CADPS2: variants seen among roughly 807,000 people sequenced by gnomAD.
CADPS2 encodes the protein calcium-dependent secretion activator 2.
CADPS2 carries 93 observed loss-of-function variants against 172.5 expected under a neutral mutation model. The observed-to-expected ratio is 0.54, with a 90% CI of 0.46 to 0.64. The LOEUF is 0.64. CADPS2 is among the 30% of genes least tolerant of loss of function. The probability of loss-of-function intolerance (pLI) is 0.00; values close to 1 mark genes in which losing one functional copy is unlikely to be tolerated. For synonymous variants in CADPS2, 546 were observed against 555.2 expected, an observed-to-expected ratio of 0.98 and a Z score of 0.23; for missense variants, 1,420 against 1,565.9, an observed-to-expected ratio of 0.91 and a Z score of 1.57.
intron 8 of CADPS2, among the ~76,000 whole-genome samples, chr7:122,525,253 G>A (rs777853952): frequency 2.6e-5 from 4 of 152,106 alleles, no homozygotes; most frequent in Non-Finnish European, 5.9e-5. Flanking sequence ...TCTGGTCTTG[G>A]CTAATGAGGA....
chr7:122,362,383 T>A (rs1413478594), intron 25 of CADPS2, among the ~76,000 whole-genome samples: 1 of 152,172 alleles, frequency 6.6e-6, no homozygotes, highest in Non-Finnish European at 1.5e-5. Flanking sequence ...TTGACCACCT[T>A]ACTTCTCAGG....
rs536561131 is a variant in CADPS2, at chr7:122,327,001, C to A, written c.3613-1420G>T. 6.6e-5 allele frequency among the ~76,000 whole-genome samples: 10 copies of A among 152,000 alleles called. No homozygotes were observed. In the East Asian group the frequency reaches 1.7e-3, roughly 26 times the overall value. ...TCAAGTTTTAAAAATGTGAGATGGA[C>A]CATGATTTTTTAAAAATATGTTATT... is the stretch of plus-strand genomic sequence containing the variant. On this transcript the variant is annotated intron_variant, in intron 28 of 29. Transcript: ENST00000449022.
intron 13 of CADPS2, 68 bp from the exon 14 acceptor site, chr7:122,471,630 G>A (rs1460410534): frequency 7.8e-6 from 10 of 1,278,124 alleles, no homozygotes; most frequent in Non-Finnish European, 1.1e-5. Flanking sequence ...TTTCCTGAAC[G>A]CACTTTTAGG....
intron 3 of CADPS2, among the ~76,000 whole-genome samples, chr7:122,644,026 C>A (rs1193253411): frequency 6.6e-6 from 1 of 151,700 alleles, no homozygotes; most frequent in Non-Finnish European, 1.5e-5. Context: ...GCCAAGATGG[C>A]GCCACTGCAC....
At chr7:122,619,887 G>C (rs1045709307) in intron 5 of CADPS2, among the ~76,000 whole-genome samples, 2 of 152,100 alleles carry the variant, frequency 1.3e-5, no homozygotes, top group Non-Finnish European at 2.9e-5. Flanking sequence ...AAAGTCATTA[G>C]GTAAGCCCAG....
At chr7:122,546,825 T>C (rs559767453) in intron 8 of CADPS2, among the ~76,000 whole-genome samples, 1 of 152,120 alleles carries the variant, frequency 6.6e-6, no homozygotes, top group Non-Finnish European at 1.5e-5. Context: ...GCCTGTCTCA[T>C]CATTAAAACA....
chr7:122,481,395 A>C (rs999564147), intron 11 of CADPS2, among the ~76,000 whole-genome samples: 4 of 152,160 alleles, frequency 2.6e-5, no homozygotes, highest in Non-Finnish European at 5.9e-5. Context: ...TAGCCTGATC[A>C]ATTCTGCCTT....
chr7:122,831,416 A>G (rs1004336419), intron 1 of CADPS2, among the ~76,000 whole-genome samples: 1 of 152,264 alleles, frequency 6.6e-6, no homozygotes, highest in African/African-American at 2.4e-5. Context: ...AGTATCTTCA[A>G]TTATGGAAAT....
At chr7:122,638,069 G>GA (rs2077245465) in intron 3 of CADPS2, among the ~76,000 whole-genome samples, 1 of 152,156 alleles carries the variant, frequency 6.6e-6, no homozygotes, top group African/African-American at 2.4e-5. Flanking sequence ...GTGGTCAGGG[G>GA]AGAGAGAGCT....
chr7:122,813,648 G>A (rs1312256698), intron 1 of CADPS2, among the ~76,000 whole-genome samples: 2 of 152,156 alleles, frequency 1.3e-5, no homozygotes, highest in East Asian at 1.9e-4. Context: ...AGGCTGCAAA[G>A]GGGCATTCTG....
chr7:122,710,113 C>A (rs2088462106), intron 2 of CADPS2, among the ~76,000 whole-genome samples: 1 of 149,054 alleles, frequency 6.7e-6, no homozygotes, highest in African/African-American at 2.5e-5. Context: ...AAGCCACAAT[C>A]AGTCATTGAA....
chr7:122,808,401 T>A (rs1799281138), intron 1 of CADPS2, among the ~76,000 whole-genome samples: 1 of 152,358 alleles, frequency 6.6e-6, no homozygotes, highest in Admixed American at 6.5e-5. Flanking sequence ...CTTATTAATC[T>A]TAACTACTGT....
intron 19 of CADPS2, among the ~76,000 whole-genome samples, chr7:122,410,380 T>C (rs1045319617): frequency 6.7e-6 from 1 of 150,192 alleles, no homozygotes; most frequent in Non-Finnish European, 1.5e-5. Context: ...ACAAAACTTA[T>C]ACAGGATTAA....
At chr7:122,844,842 T>C (rs546303139) in intron 1 of CADPS2, among the ~76,000 whole-genome samples, 4 of 152,126 alleles carry the variant, frequency 2.6e-5, no homozygotes, top group Non-Finnish European at 4.4e-5. Flanking sequence ...GCTGAAGAGA[T>C]TGAGCAAACC....
At chr7:122,749,849 G>T (rs953781329) in intron 1 of CADPS2, among the ~76,000 whole-genome samples, 1 of 151,374 alleles carries the variant, frequency 6.6e-6, no homozygotes, top group Non-Finnish European at 1.5e-5. Flanking sequence ...ACATTAGGGT[G>T]ACATAAATAC....
At chr7:122,670,177 C>CATATAT (rs112642504) in intron 2 of CADPS2, among the ~76,000 whole-genome samples, 2 of 151,292 alleles carry the variant, frequency 1.3e-5, no homozygotes, top group African/African-American at 2.4e-5. Flanking sequence ...TGTCAATTGG[C>CATATAT]ATATATATAT....
At chr7:122,691,812 G>C (rs955655930) in intron 2 of CADPS2, among the ~76,000 whole-genome samples, 2 of 152,174 alleles carry the variant, frequency 1.3e-5, no homozygotes, top group Non-Finnish European at 2.9e-5. Flanking sequence ...CAGCTGTCAA[G>C]CTGTGCAAAA....
intron 12 of CADPS2, among the ~76,000 whole-genome samples, chr7:122,478,871 T>C (rs779674960): frequency 1.2e-4 from 19 of 152,164 alleles, no homozygotes; most frequent in Non-Finnish European, 2.4e-4. Context: ...AGTGCCACAA[T>C]AAACACACGT....
At position 122,513,335 on chromosome 7, in the gene CADPS2, C is replaced by A; in HGVS notation, c.1476-20G>T. The A allele has an allele frequency of 6.6e-7, 1 of 1,505,726 alleles. No individual in the cohort carries two copies. The highest frequency in any genetic ancestry group is 9.0e-7 in the Non-Finnish European group (1 of 1,105,288). 93.3% of individuals were successfully genotyped at this position (1,505,726 alleles called of 1,614,324 possible). ...AGATATCTGGAAAGAAAAACAAAAG[C>A]CAAAGAATACTTCAGATGAATAATG... On this transcript the variant is annotated intron_variant, in intron 8 of 29. Transcript: ENST00000449022.
Sources: allele counts gnomAD v4.1 joint callset (sites outside exome capture counted in the v4.1 genomes callset), GRCh38; gene constraint gnomAD v4.1.1; transcripts MANE v1.5; gene names NCBI Gene and HGNC (gene_info 2026-07-23, HGNC 2026-07-21).